Variants in SNCAIP observed in about 807,000 individuals in gnomAD.
SNCAIP encodes the protein synphilin-1.
A neutral mutation model predicts 86.7 loss-of-function variants in SNCAIP; 43 were observed. The observed-to-expected ratio is 0.50, with a 90% CI of 0.39 to 0.64. SNCAIP has a LOEUF of 0.64. Among genes scored for constraint, SNCAIP ranks in the 30% least tolerant of loss-of-function variants. SNCAIP has a pLI of 0.00. For missense variants in SNCAIP, 981 were observed against 1,103.1 expected (o/e 0.89, Z 1.57); for synonymous variants, 417 against 427.2 (o/e 0.98, Z 0.29).
At chr5:122,331,861 CG>C (rs1216150220) in intron 1 of SNCAIP, among the ~76,000 whole-genome samples, 2 of 152,184 alleles carry the variant, frequency 1.3e-5, no homozygotes, top group Admixed American at 1.3e-4. Context: ...AAATATTAGA[CG>C]ATACATGAAA....
chr5:122,377,907 T>C (rs1765717870), intron 1 of SNCAIP, among the ~76,000 whole-genome samples: 1 of 152,052 alleles, frequency 6.6e-6, no homozygotes, highest in African/African-American at 2.4e-5. Context: ...CCATGGTGTA[T>C]ATGTGCCACA....
intron 1 of SNCAIP, among the ~76,000 whole-genome samples, chr5:122,359,834 C>T (rs1232154458): frequency 3.3e-5 from 5 of 152,070 alleles, no homozygotes; most frequent in African/African-American, 7.2e-5. Flanking sequence ...AAAGGTAAAG[C>T]ATAATATGTC....
At chr5:122,393,397 G>A (rs145776358) in intron 2 of SNCAIP, among the ~76,000 whole-genome samples, 6 of 152,264 alleles carry the variant, frequency 3.9e-5, no homozygotes, top group Middle Eastern at 3.4e-3. Flanking sequence ...GGAAACTGCA[G>A]CATGAAGATT....
At chr5:122,452,619 T>C (rs1319211979) in intron 10 of SNCAIP, among the ~76,000 whole-genome samples, 1 of 152,218 alleles carries the variant, frequency 6.6e-6, no homozygotes, top group Non-Finnish European at 1.5e-5. Flanking sequence ...GTCCTTGTTA[T>C]AGAAGACTAT....
At chr5:122,348,308 C>G (rs996689834) in intron 1 of SNCAIP, among the ~76,000 whole-genome samples, 1 of 152,120 alleles carries the variant, frequency 6.6e-6, no homozygotes, top group African/African-American at 2.4e-5. Context: ...ATAGCTTTCA[C>G]TGTGTGGAAT....
intron 8 of SNCAIP, among the ~76,000 whole-genome samples, chr5:122,448,147 A>C (rs568130267): frequency 6.6e-6 from 1 of 152,360 alleles, no homozygotes; most frequent in African/African-American, 2.4e-5. Context: ...AGCAAGGAGA[A>C]CATTGGGCCA....
intron 1 of SNCAIP, among the ~76,000 whole-genome samples, chr5:122,336,174 A>AG (rs1561532742): frequency 1.3e-4 from 19 of 149,390 alleles, no homozygotes; most frequent in South Asian, 4.2e-4. Context: ...ACTGGTTATC[A>AG]AGAGAGAGAG....
chr5:122,362,624 C>T (rs1762419479), intron 1 of SNCAIP, among the ~76,000 whole-genome samples: 1 of 152,110 alleles, frequency 6.6e-6, no homozygotes, highest in African/African-American at 2.4e-5. Flanking sequence ...GTACCAAGTA[C>T]AGAATCAGAT....
At chr5:122,377,231 T>A (rs1306457773) in intron 1 of SNCAIP, among the ~76,000 whole-genome samples, 1 of 152,188 alleles carries the variant, frequency 6.6e-6, no homozygotes, top group East Asian at 1.9e-4. Flanking sequence ...ACTGGTTTTC[T>A]TGGCTTCCTT....
At chr5:122,413,375 T>C (rs368766037) in intron 3 of SNCAIP, among the ~76,000 whole-genome samples, 2 of 152,290 alleles carry the variant, frequency 1.3e-5, no homozygotes, top group East Asian at 3.9e-4. Flanking sequence ...AAAATTATCT[T>C]TCCTCTTATA....
intron 1 of SNCAIP, among the ~76,000 whole-genome samples, chr5:122,321,013 C>T (rs1052566398): frequency 1.3e-5 from 2 of 152,064 alleles, no homozygotes; most frequent in African/African-American, 4.8e-5. Context: ...ACCCTCTTGC[C>T]CTGAGACCGC....
chr5:122,434,399 C>G (rs972618947), intron 6 of SNCAIP, among the ~76,000 whole-genome samples: 5 of 152,114 alleles, frequency 3.3e-5, no homozygotes, highest in Non-Finnish European at 7.4e-5. Flanking sequence ...TCAGCTCTCA[C>G]AGCAGGTTTC....
intron 1 of SNCAIP, among the ~76,000 whole-genome samples, chr5:122,365,387 A>C (rs956052270): frequency 6.6e-6 from 1 of 152,208 alleles, no homozygotes; most frequent in African/African-American, 2.4e-5. Context: ...TCTTATAGAA[A>C]GATCCCTCTG....
At chr5:122,320,961 C>T (rs545981223) in intron 1 of SNCAIP, among the ~76,000 whole-genome samples, 27 of 152,242 alleles carry the variant, frequency 1.8e-4, no homozygotes, top group Middle Eastern at 3.4e-3. Flanking sequence ...GGGTCGGTCC[C>T]CCTGTTGTCT....
At chr5:122,384,106 A>G (rs1353124824) in intron 1 of SNCAIP, among the ~76,000 whole-genome samples, 1 of 152,210 alleles carries the variant, frequency 6.6e-6, no homozygotes, top group East Asian at 1.9e-4. Flanking sequence ...ATTCAGGGCT[A>G]GGGATGTCTG....
intron 7 of SNCAIP, chr5:122,441,384 G>A (rs1362734625): frequency 6.5e-6 from 1 of 153,422 alleles, no homozygotes; most frequent in Non-Finnish European, 1.4e-5. Flanking sequence ...GCCTCAAGTA[G>A]CCTTATCTTT....
At chr5:122,411,632 G>T (rs1173895158) in intron 3 of SNCAIP, among the ~76,000 whole-genome samples, 1 of 151,862 alleles carries the variant, frequency 6.6e-6, no homozygotes, top group African/African-American at 2.4e-5. Flanking sequence ...ATAGTTGAAG[G>T]GTCCTCTTGC....
intron 9 of SNCAIP, 106 bp downstream of exon 9, chr5:122,450,043 TTTC>T: frequency 1.2e-6 from 1 of 828,308 alleles, no homozygotes; most frequent in East Asian, 2.6e-5. Context: ...CAGAAAACAT[TTTC>T]TTCTTATAAA....
intron 1 of SNCAIP, among the ~76,000 whole-genome samples, chr5:122,338,566 A>G (rs972969305): frequency 6.6e-6 from 1 of 152,236 alleles, no homozygotes; most frequent in African/African-American, 2.4e-5. Context: ...ATGCACACAT[A>G]TATAAAGTTA....
Sources: gnomAD v4.1 joint callset for allele counts (sites outside exome capture counted in the v4.1 genomes callset) on GRCh38, gnomAD v4.1.1 for gene constraint, MANE v1.5 for transcripts, NCBI Gene and HGNC (gene_info 2026-07-23, HGNC 2026-07-21) for gene names.